Variants in PRELID3A observed in about 807,000 individuals in gnomAD.
The protein encoded by PRELID3A is PRELI domain containing protein 3A.
PRELID3A carries 27 observed loss-of-function variants against 23.0 expected under a neutral mutation model. That is an observed-to-expected ratio of 1.17 (90% CI 0.87 to 1.62). PRELID3A has a LOEUF of 1.62. Among genes scored for constraint, PRELID3A ranks in the 40% most tolerant of loss-of-function variants. PRELID3A has a pLI of 0.00. For synonymous variants in PRELID3A, 87 were observed against 86.4 expected, an observed-to-expected ratio of 1.01 and a Z score of -0.04; for missense variants, 231 against 231.4, an observed-to-expected ratio of 1.00 and a Z score of 0.01.
chr18:12,427,245 C>G lies in PRELID3A; in HGVS notation c.387C>G (p.Ile129Met), dbSNP rs746716518. Residue 129 changes from isoleucine (I) to methionine (M), a missense_variant, in exon 5 of 7, where the codon ATC becomes ATG. Transcript: ENST00000440960. Reference sequence around the variant, plus strand: ...GGACCGTGCTCACACAAGAAGCCATCATCACTGTGAAGGGGATTAGCCTTG... The same window carrying G: ...GGACCGTGCTCACACAAGAAGCCATGATCACTGTGAAGGGGATTAGCCTTG... Reference protein sequence around the residue: ...PEMTVLTQEAIITVKGISLGS... With the variant: ...PEMTVLTQEAMITVKGISLGS... 11 of 1,614,016 alleles carry G rather than the reference C, an allele frequency of 6.8e-6. No individual in the cohort carries two copies. Among genetic ancestry groups the G allele is most frequent in the Non-Finnish European group, 9.3e-6 (11 of 1,180,010 alleles).
At chr18:12,410,296 A>G (rs1909866577) in intron 1 of PRELID3A, among the ~76,000 whole-genome samples, 1 of 152,226 alleles carries the variant, frequency 6.6e-6, no homozygotes, top group African/African-American at 2.4e-5. Flanking sequence ...AGGGGCAGCT[A>G]TCCACCAAAG....
chr18:12,429,863 A>G (rs1243704671), intron 6 of PRELID3A, among the ~76,000 whole-genome samples: 11 of 152,216 alleles, frequency 7.2e-5, no homozygotes, highest in Non-Finnish European at 1.5e-4. Context: ...AAGCCAGTAC[A>G]TGGCCACACG....
At chr18:12,430,474 ATG>A (rs919066947) in intron 6 of PRELID3A, among the ~76,000 whole-genome samples, 1 of 136,278 alleles carries the variant, frequency 7.3e-6, no homozygotes, top group African/African-American at 2.9e-5. Flanking sequence ...GTGTGTATAT[ATG>A]TGGTGTGTGT....
At chr18:12,420,763 G>C (rs1470329364) in intron 2 of PRELID3A, among the ~76,000 whole-genome samples, 2 of 95,694 alleles carry the variant, frequency 2.1e-5, no homozygotes, top group Non-Finnish European at 4.4e-5. Flanking sequence ...GGGGTCGGTG[G>C]GGGGGGATCT....
intron 1 of PRELID3A, among the ~76,000 whole-genome samples, chr18:12,417,298 C>T (rs1278184210): frequency 6.6e-6 from 1 of 152,036 alleles, no homozygotes; most frequent in African/African-American, 2.4e-5. Flanking sequence ...CTCAGTCTCC[C>T]GAGTAGCTGG....
chr18:12,420,082 G>A, intron 1 of PRELID3A: 1 of 1,382,484 alleles, frequency 7.2e-7, no homozygotes, highest in Non-Finnish European at 9.4e-7. Flanking sequence ...TGCCTGCTGG[G>A]CGACAGAGTG....
intron 1 of PRELID3A, among the ~76,000 whole-genome samples, chr18:12,415,682 G>A (rs1387938789): frequency 2.0e-5 from 3 of 152,170 alleles, no homozygotes; most frequent in Non-Finnish European, 4.4e-5. Flanking sequence ...CCAGTCCAGG[G>A]TCCTCTGTGT....
chr18:12,420,815 G>A (rs868024021), intron 2 of PRELID3A, among the ~76,000 whole-genome samples: 3 of 130,804 alleles, frequency 2.3e-5, no homozygotes, highest in African/African-American at 2.8e-5. Flanking sequence ...ACGGTGGGGG[G>A]GTCTTCCTCG....
At chr18:12,428,292 G>C (rs1330394187) in intron 5 of PRELID3A, among the ~76,000 whole-genome samples, 1 of 152,200 alleles carries the variant, frequency 6.6e-6, no homozygotes, top group Non-Finnish European at 1.5e-5. Context: ...GAAAGAGCTT[G>C]AATGTTTGGT....
chr18:12,425,776 C>CA (rs928437193), intron 3 of PRELID3A, among the ~76,000 whole-genome samples: 1 of 151,744 alleles, frequency 6.6e-6, no homozygotes, highest in African/African-American at 2.4e-5. Context: ...CCCATCTCTA[C>CA]AAAAAATTTA....
chr18:12,420,507 G>C lies in PRELID3A; in HGVS notation c.201+14G>C. The C allele has an allele frequency of 1.3e-6, 2 of 1,511,424 alleles. No homozygotes were observed. The highest frequency in any genetic ancestry group is 1.8e-6 in the Non-Finnish European group (2 of 1,129,548). 93.6% of individuals were successfully genotyped at this position (1,511,424 alleles called of 1,614,324 possible). On this transcript the variant is annotated intron_variant, in intron 2 of 6. Transcript: ENST00000440960. Reference sequence around the variant, plus strand: ...CTCGTGAGAGCGGTGAGCGGGGCGGGGGCTGCGGCTCCGAACGCGCCCGAC... The same window carrying C: ...CTCGTGAGAGCGGTGAGCGGGGCGGCGGCTGCGGCTCCGAACGCGCCCGAC...
In PRELID3A at chr18:12,420,503, G is replaced by C. The variant is rs1383879584; in HGVS notation, c.201+10G>C. 6.6e-7 allele frequency: 1 copy of C among 1,512,658 alleles called. No individual in the cohort carries two copies. Among genetic ancestry groups the C allele is most frequent in the Non-Finnish European group, 8.8e-7 (1 of 1,130,166 alleles). The allele number at this position is 1,512,658 out of a possible 1,614,324, so 93.7% of individuals were successfully genotyped here. On this transcript the variant is annotated intron_variant, in intron 2 of 6. Coordinates refer to ENST00000440960, the MANE Select transcript of PRELID3A (RefSeq NM_001142405.2). ...CAGCCTCGTGAGAGCGGTGAGCGGGGCGGGGGCTGCGGCTCCGAACGCGCC... is the reference window on the plus strand; with the variant it reads ...CAGCCTCGTGAGAGCGGTGAGCGGGCCGGGGGCTGCGGCTCCGAACGCGCC...
chr18:12,430,745 GGTGTGTGTGCAT>G (rs984640364), intron 6 of PRELID3A, among the ~76,000 whole-genome samples: 8 of 143,254 alleles, frequency 5.6e-5, no homozygotes, highest in African/African-American at 2.1e-4. Context: ...GTATGTGTGT[GGTGTGTGTGCAT>G]GTGTGTGATG....
intron 1 of PRELID3A, among the ~76,000 whole-genome samples, chr18:12,410,456 G>C (rs779357931): frequency 1.3e-5 from 2 of 152,188 alleles, no homozygotes; most frequent in Non-Finnish European, 2.9e-5. Context: ...GGCTGGACGG[G>C]TTATGAATGA....
intron 1 of PRELID3A, among the ~76,000 whole-genome samples, chr18:12,409,376 A>G (rs1034521596): frequency 7.9e-5 from 12 of 152,070 alleles, no homozygotes; most frequent in Admixed American, 2.0e-4. Flanking sequence ...CATGTTGGCC[A>G]GGCTGGTCTC....
intron 1 of PRELID3A, among the ~76,000 whole-genome samples, chr18:12,414,968 G>T (rs1259715432): frequency 6.6e-6 from 1 of 151,846 alleles, no homozygotes; most frequent in East Asian, 1.9e-4. Flanking sequence ...TTGCTCTGTT[G>T]CCCAGGCTGG....
At chr18:12,422,714 TAA>T (rs1209941746) in intron 3 of PRELID3A, among the ~76,000 whole-genome samples, 1 of 152,112 alleles carries the variant, frequency 6.6e-6, no homozygotes, top group African/African-American at 2.4e-5. Context: ...TTCTCTCAAT[TAA>T]AAAATGTATA....
Position 12,427,264 on chromosome 18 carries a change from AGCC to A in PRELID3A, c.407_409del (p.Ser136_Leu137delinsIle), listed in dbSNP as rs2030412072. ...AGCCATCATCACTGTGAAGGGGATT[AGCC>A]TTGGTAGTTATTTGGAAAGTTTAAT... On this transcript the variant is annotated inframe_deletion, in exon 5 of 7. Coordinates refer to ENST00000440960, the MANE Select transcript of PRELID3A (RefSeq NM_001142405.2). 3.1e-6 allele frequency: 5 copies of A among 1,614,104 alleles called. No homozygotes were observed. In the South Asian group the frequency reaches 5.5e-5, roughly 18 times the overall value.
intron 6 of PRELID3A, 91 bp downstream of exon 6, chr18:12,429,527 C>A: frequency 1.3e-6 from 1 of 774,630 alleles, no homozygotes; most frequent in Admixed American, 2.4e-5. Flanking sequence ...GCCAGAAGTA[C>A]GCAGCTGCTG....
Sources: gnomAD v4.1 joint callset for allele counts (sites outside exome capture counted in the v4.1 genomes callset) on GRCh38, gnomAD v4.1.1 for gene constraint, MANE v1.5 for transcripts, NCBI Gene and HGNC (gene_info 2026-07-23, HGNC 2026-07-21) for gene names.